FOXK1: variants seen among roughly 807,000 people sequenced by gnomAD.
FOXK1 encodes the protein forkhead box protein K1.
A neutral mutation model predicts 51.9 loss-of-function variants in FOXK1; 19 were observed. The observed-to-expected ratio is 0.37, with a 90% CI of 0.26 to 0.54. FOXK1 has a LOEUF of 0.54. Among genes scored for constraint, FOXK1 ranks in the 20% least tolerant of loss-of-function variants. FOXK1 has a pLI of 0.87. For synonymous variants in FOXK1, 537 were observed against 482.6 expected (o/e 1.11, Z -1.48); for missense variants, 870 against 1,032.7 (o/e 0.84, Z 2.16).
chr7:4,692,068 G>A (rs6964441), intron 1 of FOXK1, among the ~76,000 whole-genome samples: 25,083 of 152,022 alleles, frequency 0.16, 6,683 homozygotes, highest in African/African-American at 0.56. Flanking sequence ...ATTAAAATAT[G>A]CATATTTATT....
intron 1 of FOXK1, among the ~76,000 whole-genome samples, chr7:4,688,432 G>A (rs879742705): frequency 7.3e-5 from 11 of 150,124 alleles, no homozygotes; most frequent in African/African-American, 1.5e-4. Context: ...ACGGAGTCTC[G>A]CTCTGTCGCC....
chr7:4,737,175 ATCT>A, intron 1 of FOXK1, among the ~76,000 whole-genome samples: 1 of 152,316 alleles, frequency 6.6e-6, no homozygotes, highest in East Asian at 1.9e-4. Context: ...CAGAAGCCAC[ATCT>A]TCTTTCTACT....
intron 1 of FOXK1, among the ~76,000 whole-genome samples, chr7:4,688,540 C>G (rs756440336): frequency 1.3e-5 from 2 of 152,056 alleles, no homozygotes. Flanking sequence ...GGATTACAGG[C>G]GCTCGCCACG....
intron 1 of FOXK1, among the ~76,000 whole-genome samples, chr7:4,728,481 A>C (rs1033601851): frequency 1.3e-5 from 2 of 152,190 alleles, no homozygotes; most frequent in Admixed American, 1.3e-4. Context: ...CATGGTTATG[A>C]ACTCTTACTC....
rs967464194 is a variant in FOXK1, at chr7:4,711,538, G to A, written c.560+28670G>A. Among the ~76,000 whole-genome samples, 10 of 152,232 alleles carry A rather than the reference G, an allele frequency of 6.6e-5. No homozygotes were observed. The highest frequency in any genetic ancestry group is 2.4e-4 in the African/African-American group (10 of 41,452). On this transcript the variant is annotated intron_variant, in intron 1 of 8. Coordinates refer to ENST00000328914, the MANE Select transcript of FOXK1 (RefSeq NM_001037165.2). The surrounding 1 kb of genome is among the most constrained non-coding windows in gnomAD (Gnocchi z 6.3). ...AGGTGTGCCCCATCCCATGGCCACT[G>A]GAGAACTGGCAGAAGCTCCTAGAGC...
intron 2 of FOXK1, among the ~76,000 whole-genome samples, chr7:4,752,703 G>A (rs1022967853): frequency 3.9e-5 from 6 of 152,244 alleles, no homozygotes; most frequent in Non-Finnish European, 8.8e-5. Flanking sequence ...CCCCAGCAAG[G>A]ACTGACATTT....
Position 4,730,638 on chromosome 7 carries a change from G to A in FOXK1, c.561-10200G>A, listed in dbSNP as rs1162720144. ...GCCACACTTGAGACGTCCTTGCTGCGGGTTCGTCTGTAACCTGTGTCCCTT... is the reference window on the plus strand; with the variant it reads ...GCCACACTTGAGACGTCCTTGCTGCAGGTTCGTCTGTAACCTGTGTCCCTT... On this transcript the variant is annotated intron_variant, in intron 1 of 8. Coordinates refer to ENST00000328914, the MANE Select transcript of FOXK1 (RefSeq NM_001037165.2). This position sits in a 1 kb window ranked among gnomAD's most constrained non-coding sequence, Gnocchi z 4.7. Among the ~76,000 whole-genome samples the A allele has an allele frequency of 6.6e-6, 1 of 152,262 alleles. No homozygotes were observed. Among genetic ancestry groups the A allele is most frequent in the Non-Finnish European group, 1.5e-5 (1 of 68,034 alleles).
Position 4,755,824 on chromosome 7 carries a change from C to T in FOXK1, c.1050+441C>T, listed in dbSNP as rs75364624. Among the ~76,000 whole-genome samples the T allele has an allele frequency of 0.013, 1,984 of 152,264 alleles. 45 individuals carry two copies. Among genetic ancestry groups the T allele is most frequent in the African/African-American group, 0.045 (1,875 of 41,552 alleles). On this transcript the variant is annotated intron_variant, in intron 4 of 8. Transcript: ENST00000328914. The surrounding 1 kb of genome is among the most constrained non-coding windows in gnomAD (Gnocchi z 6.6). ...ATATGGTACATCTGAAAGGCATTAGCGCTGTGATACCATTGTGTCTAAATA... is the reference window on the plus strand; with the variant it reads ...ATATGGTACATCTGAAAGGCATTAGTGCTGTGATACCATTGTGTCTAAATA...
intron 1 of FOXK1, among the ~76,000 whole-genome samples, chr7:4,690,677 G>T (rs1479646207): frequency 1.3e-5 from 2 of 152,188 alleles, no homozygotes; most frequent in Non-Finnish European, 2.9e-5. Context: ...GGAGAAAAAG[G>T]GTTTGTGGGT....
chr7:4,754,672 A>G, intron 3 of FOXK1, 57 bp downstream of exon 3: 1 of 1,556,026 alleles, frequency 6.4e-7, no homozygotes, highest in African/African-American at 1.4e-5. Flanking sequence ...GGCCATAGTG[A>G]CCCGGCGCGG....
chr7:4,754,140 G>A (rs1048094665), intron 2 of FOXK1, among the ~76,000 whole-genome samples: 3 of 152,288 alleles, frequency 2.0e-5, no homozygotes, highest in Non-Finnish European at 2.9e-5. Context: ...AGGGGTGTGT[G>A]TGGGGGGACC....
At position 4,762,364 on chromosome 7, in the gene FOXK1, A is replaced by T; in HGVS notation, c.2102A>T (p.Glu701Val). Residue 701 changes from glutamate (E) to valine (V), a missense_variant, in exon 9 of 9, where the codon GAG becomes GTG. This residue lies in a region of FOXK1 where 457 missense variants were observed against 510.8 expected (regional missense o/e 0.89). Transcript: ENST00000328914. The surrounding 1 kb of genome is among the most constrained non-coding windows in gnomAD (Gnocchi z 5.7). ...SASASSTGEP[E>V]VKRSRVEEPS... ...TCCGCCTCTTCCACTGGAGAGCCCGAGGTCAAAAGGTCCCGGGTGGAGGAG... is the reference window on the plus strand; with the variant it reads ...TCCGCCTCTTCCACTGGAGAGCCCGTGGTCAAAAGGTCCCGGGTGGAGGAG... The T allele has an allele frequency of 6.5e-7, 1 of 1,550,324 alleles. No homozygotes were observed. The highest frequency in any genetic ancestry group is 8.7e-7 in the Non-Finnish European group (1 of 1,146,940).
chr7:4,735,166 G>C lies in FOXK1; in HGVS notation c.561-5672G>C, dbSNP rs1780536478. Among the ~76,000 whole-genome samples the C allele has an allele frequency of 6.6e-6, 1 of 152,168 alleles. No individual in the cohort carries two copies. Among genetic ancestry groups the C allele is most frequent in the Admixed American group, 6.5e-5 (1 of 15,272 alleles). ...ACTGGTGGAGCGGTGGCCAGTTCCA[G>C]CTCGCTGTGTAGAGACGGCTCTGTG... On this transcript the variant is annotated intron_variant, in intron 1 of 8. Transcript: ENST00000328914. The surrounding 1 kb of genome is among the most constrained non-coding windows in gnomAD (Gnocchi z 4.7).
chr7:4,757,634 CAAAAAAAAAAAAAA>C (rs59200954), intron 5 of FOXK1, among the ~76,000 whole-genome samples: 10 of 20,204 alleles, frequency 4.9e-4, no homozygotes, highest in South Asian at 4.3e-3. Flanking sequence ...AACTCCGTCT[CAAAAAAAAAAAAAA>C]AAAAAAAAAA....
At chr7:4,726,215 C>T (rs911378032) in intron 1 of FOXK1, among the ~76,000 whole-genome samples, 1 of 152,188 alleles carries the variant, frequency 6.6e-6, no homozygotes, top group African/African-American at 2.4e-5. Flanking sequence ...TTCACTAGAA[C>T]GTTCTTGTTT....
chr7:4,723,464 C>G lies in FOXK1; in HGVS notation c.561-17374C>G, dbSNP rs1239020997. Among the ~76,000 whole-genome samples, 1 of 151,968 alleles carries G rather than the reference C, an allele frequency of 6.6e-6. No individual in the cohort carries two copies. Among genetic ancestry groups the G allele is most frequent in the Non-Finnish European group, 1.5e-5 (1 of 67,992 alleles). On this transcript the variant is annotated intron_variant, in intron 1 of 8. Transcript: ENST00000328914. This position sits in a 1 kb window ranked among gnomAD's most constrained non-coding sequence, Gnocchi z 4.7. ...GGGACCATCTTGGAATAATCTTGCTCAGCTGAATAATGTTGCAGACTAAAA... is the reference window on the plus strand; with the variant it reads ...GGGACCATCTTGGAATAATCTTGCTGAGCTGAATAATGTTGCAGACTAAAA...
In FOXK1 at chr7:4,735,677, C is replaced by T. The variant is rs138278591; in HGVS notation, c.561-5161C>T. ...ATTTCTACTCTGTGGACACACTTAACCTTAGCGGAATCTCCGCCGGTCAAG... is the reference window on the plus strand; with the variant it reads ...ATTTCTACTCTGTGGACACACTTAATCTTAGCGGAATCTCCGCCGGTCAAG... On this transcript the variant is annotated intron_variant, in intron 1 of 8. Transcript: ENST00000328914. This position sits in a 1 kb window ranked among gnomAD's most constrained non-coding sequence, Gnocchi z 4.7. Among the ~76,000 whole-genome samples the T allele has an allele frequency of 8.4e-4, 128 of 152,310 alleles. 1 individual carries two copies. Among genetic ancestry groups the T allele is most frequent in the African/African-American group, 2.9e-3 (121 of 41,570 alleles).
At position 4,730,949 on chromosome 7, in the gene FOXK1, T is replaced by G. The variant is rs1780468541; in HGVS notation, c.561-9889T>G. 6.6e-6 allele frequency among the ~76,000 whole-genome samples: 1 copy of G among 151,908 alleles called. No individual in the cohort carries two copies. The highest frequency in any genetic ancestry group is 1.5e-5 in the Non-Finnish European group (1 of 67,962). ...TGGGAGGCCGAGGCAGGAGGATCCC[T>G]TGAGGCCAGGAGTTGGAGACTAGCC... On this transcript the variant is annotated intron_variant, in intron 1 of 8. Transcript: ENST00000328914. This position sits in a 1 kb window ranked among gnomAD's most constrained non-coding sequence, Gnocchi z 4.7.
intron 1 of FOXK1, among the ~76,000 whole-genome samples, chr7:4,714,950 A>G (rs568366374): frequency 1.3e-5 from 2 of 152,106 alleles, no homozygotes; most frequent in Non-Finnish European, 2.9e-5. Context: ...AGTTGTGTGT[A>G]TTCAGGGAGT....
Sources: gnomAD v4.1 joint callset for allele counts (sites outside exome capture counted in the v4.1 genomes callset) on GRCh38, gnomAD v4.1.1 for gene constraint, gnomAD v4.1.1 regional missense constraint, Gnocchi (gnomAD v3.1) non-coding constraint, MANE v1.5 for transcripts, NCBI Gene and HGNC (gene_info 2026-07-23, HGNC 2026-07-21) for gene names.